USP8: variants seen among roughly 807,000 people sequenced by gnomAD.
USP8 encodes ubiquitin specific peptidase 8, also known as ubiquitin carboxyl-terminal hydrolase 8.
In USP8, 27 loss-of-function variants were observed where a neutral mutation model predicts 130.0. That is an observed-to-expected ratio of 0.21 (90% CI 0.15 to 0.29). The LOEUF is 0.29. Ranked by LOEUF, USP8 falls within the 10% of genes least tolerant of loss-of-function variation. USP8 has a pLI of 1.00. For synonymous variants in USP8, 392 were observed against 444.1 expected (o/e 0.88, Z 1.48); for missense variants, 1,029 against 1,312.2 (o/e 0.78, Z 3.33).
chr15:50,489,613 T>C, intron 12 of USP8, 188 bp from the exon 13 acceptor site: 1 of 319,714 alleles, frequency 3.1e-6, no homozygotes, highest in South Asian at 4.6e-5. Context: ...TATAGTAATA[T>C]TTGTACTTTG....
chr15:50,501,337 A>G lies in USP8; in HGVS notation c.*2249A>G, dbSNP rs1381134695. 6.5e-6 allele frequency: 1 copy of G among 152,938 alleles called. No individual in the cohort carries two copies. Among genetic ancestry groups the G allele is most frequent in the Admixed American group, 6.4e-5 (1 of 15,666 alleles). The allele number at this position is 152,938 out of a possible 1,614,324, so 9.5% of individuals were successfully genotyped here. A position where few individuals can be genotyped will look rare whatever the true frequency, so the allele number is the denominator to read the frequency against. On this transcript the variant is annotated 3_prime_UTR_variant, in exon 20 of 20. Transcript: ENST00000307179. Reference sequence around the variant, plus strand: ...AAAAAAAAAAAGATGAGCTAGGCATAGTGGTGCACACCTGTAGTCCCAGCT... The same window carrying G: ...AAAAAAAAAAAGATGAGCTAGGCATGGTGGTGCACACCTGTAGTCCCAGCT...
intron 10 of USP8, among the ~76,000 whole-genome samples, chr15:50,478,478 G>A (rs2051647779): frequency 6.6e-6 from 1 of 152,070 alleles, no homozygotes; most frequent in Non-Finnish European, 1.5e-5. Flanking sequence ...TGTGGAGCAG[G>A]TATTGAATAG....
intron 19 of USP8, 84 bp downstream of exon 19, chr15:50,498,812 G>T: frequency 6.5e-7 from 1 of 1,548,928 alleles, no homozygotes; most frequent in African/African-American, 1.4e-5. Flanking sequence ...TCATGGAAGA[G>T]TAAGAACAAC....
chr15:50,445,919 A>G (rs2050426120), intron 3 of USP8, among the ~76,000 whole-genome samples: 1 of 152,136 alleles, frequency 6.6e-6, no homozygotes, highest in African/African-American at 2.4e-5. Context: ...TCTCAATAGT[A>G]GAGAAGGACA....
rs768325761 is a variant in USP8, at chr15:50,497,243, A to G, written c.3038+12A>G. ...GTGCATCTGAAACGGTAAAGGGGAA[A>G]GTTTGTCCTCCTGTTCAGTGAAATT... On this transcript the variant is annotated intron_variant, in intron 18 of 19. Coordinates refer to ENST00000307179, the MANE Select transcript of USP8 (RefSeq NM_005154.5). 1.9e-6 allele frequency: 3 copies of G among 1,594,618 alleles called. No individual in the cohort carries two copies. Among genetic ancestry groups the G allele is most frequent in the Admixed American group, 1.8e-5 (1 of 54,460 alleles).
chr15:50,449,509 A>G, intron 4 of USP8, 24 bp downstream of exon 4: 2 of 1,373,490 alleles, frequency 1.5e-6, no homozygotes, highest in Non-Finnish European at 2.0e-6. Context: ...GAAATATTTA[A>G]AATAATGTAA....
chr15:50,497,164 C>A lies in USP8; in HGVS notation c.2971C>A (p.Arg991=). 1 of 1,610,176 alleles carries A rather than the reference C, an allele frequency of 6.2e-7. No homozygotes were observed. ...NRFYCSHCRA[R]RDSLKKIEIW... is the part of the protein sequence containing the mutation. ...ATTTTACTGCAGTCATTGCAGAGCTCGACGGGATTCTCTAAAAAAGATAGA... is the reference window on the plus strand; with the variant it reads ...ATTTTACTGCAGTCATTGCAGAGCTAGACGGGATTCTCTAAAAAAGATAGA... Residue 991 remains arginine, a synonymous_variant, in exon 18 of 20, where the codon CGA becomes AGA. Transcript: ENST00000307179.
At chr15:50,495,246 G>A (rs1290443403) in intron 16 of USP8, among the ~76,000 whole-genome samples, 2 of 60,692 alleles carry the variant, frequency 3.3e-5, no homozygotes, top group Non-Finnish European at 7.4e-5. Flanking sequence ...ATATATATAC[G>A]TGTATATATA....
chr15:50,479,005 G>T (rs919231726), intron 10 of USP8, among the ~76,000 whole-genome samples: 1 of 152,080 alleles, frequency 6.6e-6, no homozygotes, highest in African/African-American at 2.4e-5. Flanking sequence ...AGTGAGCCGA[G>T]ATCAGGCCAC....
At chr15:50,498,129 G>C (rs76094302) in intron 18 of USP8, among the ~76,000 whole-genome samples, 2,366 of 152,200 alleles carry the variant, frequency 0.016, 61 homozygotes, top group African/African-American at 0.055. Context: ...TCATTGTTTT[G>C]ATGTTTAAAG....
At chr15:50,446,682 T>C (rs1037006956) in intron 3 of USP8, among the ~76,000 whole-genome samples, 2 of 152,220 alleles carry the variant, frequency 1.3e-5, no homozygotes, top group Non-Finnish European at 2.9e-5. Context: ...TAGTGAAGGG[T>C]CCTTCTAGTA....
chr15:50,459,078 G>A lies in USP8; in HGVS notation c.414G>A (p.Arg138=), dbSNP rs773781112. ...QEEAQRLQQK[R]QETGREDGGT... ...AAGCACAGCGGCTACAACAAAAAAG[G>A]CAGGAAACAGGAAGAGAGGATGGTG... is the stretch of plus-strand genomic sequence containing the variant. Residue 138 remains arginine, a synonymous_variant, in exon 5 of 20, where the codon AGG becomes AGA. Coordinates refer to ENST00000307179, the MANE Select transcript of USP8 (RefSeq NM_005154.5). 34 of 1,613,956 alleles carry A rather than the reference G, an allele frequency of 2.1e-5. No homozygotes were observed. The highest frequency in any genetic ancestry group is 2.7e-5 in the African/African-American group (2 of 74,902).
At chr15:50,456,862 G>T (rs575903349) in intron 4 of USP8, among the ~76,000 whole-genome samples, 1 of 152,188 alleles carries the variant, frequency 6.6e-6, no homozygotes, top group South Asian at 2.1e-4. Context: ...CTCCTGCCTG[G>T]GCAGCAGAGC....
chr15:50,507,812 T>C lies in USP8; in HGVS notation c.*8724T>C, dbSNP rs190952699. 1,481 of 152,310 alleles carry C rather than the reference T, an allele frequency of 9.7e-3. 16 individuals carry two copies. Among genetic ancestry groups the C allele is most frequent in the Non-Finnish European group, 0.015 (1,008 of 68,054 alleles). The allele number at this position is 152,310 out of a possible 1,614,324, so 9.4% of individuals were successfully genotyped here. On this transcript the variant is annotated 3_prime_UTR_variant, in exon 20 of 20. Transcript: ENST00000307179. ...TAGGCCAGGCACGGTGGCTCATGCC[T>C]GTAATCCCAGCACTTTGGGAGGCCA...
chr15:50,425,168 T>A (rs1482638100), intron 1 of USP8, among the ~76,000 whole-genome samples: 1 of 152,190 alleles, frequency 6.6e-6, no homozygotes, highest in Non-Finnish European at 1.5e-5. Context: ...TCTGTGACCT[T>A]GAACAAGTCA....
rs763755665 is a variant in USP8, at chr15:50,490,348, C to T, written c.2057C>T (p.Ser686Leu). 1.3e-5 allele frequency: 21 copies of T among 1,613,798 alleles called. No homozygotes were observed. Among genetic ancestry groups the T allele is most frequent in the Non-Finnish European group, 2.5e-6 (3 of 1,180,014 alleles). ...VHMYPPEMAP[S>L]SAPPSTPPTH... ...ATGTACCCACCGGAAATGGCTCCTT[C>T]ATCTGCACCTCCTTCCACCCCTCCA... The change falls in exon 14 of 20, where the codon TCA becomes TTA. Residue 686 changes from serine to leucine, a missense_variant. Physicochemically the swap from Ser to Leu is moderately radical, Grantham distance 145 (BLOSUM62 -2). Around this residue, in one of 4 missense-constraint regions of USP8, gnomAD observed 486 missense variants for 522.0 expected, o/e 0.93. Coordinates refer to ENST00000307179, the MANE Select transcript of USP8 (RefSeq NM_005154.5).
At chr15:50,440,046 C>T (rs1179529189) in intron 2 of USP8, among the ~76,000 whole-genome samples, 1 of 152,072 alleles carries the variant, frequency 6.6e-6, no homozygotes, top group Non-Finnish European at 1.5e-5. Flanking sequence ...CACCGTTGCA[C>T]TCCAGCCTGG....
intron 1 of USP8, among the ~76,000 whole-genome samples, chr15:50,426,178 G>C (rs966562016): frequency 1.3e-5 from 2 of 152,038 alleles, no homozygotes; most frequent in African/African-American, 4.8e-5. Context: ...ATGACTTTTG[G>C]GTAAGACAGT....
At position 50,508,281 on chromosome 15, in the gene USP8, G is replaced by C. The variant is rs990709660; in HGVS notation, c.*9193G>C. 1 of 151,946 alleles carries C rather than the reference G, an allele frequency of 6.6e-6. No individual in the cohort carries two copies. Among genetic ancestry groups the C allele is most frequent in the African/African-American group, 2.4e-5 (1 of 41,364 alleles). The allele number at this position is 151,946 out of a possible 1,614,324, so 9.4% of individuals were successfully genotyped here. ...ATGAAAATACTATATCAAAACATGG[G>C]ATGCACTGATGTCTGAGAATGTCTT... On this transcript the variant is annotated 3_prime_UTR_variant, in exon 20 of 20. Transcript: ENST00000307179.
Sources: gnomAD v4.1 joint callset for allele counts (sites outside exome capture counted in the v4.1 genomes callset) on GRCh38, gnomAD v4.1.1 for gene constraint, gnomAD v4.1.1 regional missense constraint, MANE v1.5 for transcripts, NCBI Gene and HGNC (gene_info 2026-07-23, HGNC 2026-07-21) for gene names.